Variants in FARP1 observed in about 807,000 individuals in gnomAD.
FARP1 encodes FERM, ARH/RhoGEF and pleckstrin domain protein 1.
A neutral mutation model predicts 128.8 loss-of-function variants in FARP1; 52 were observed. The observed-to-expected ratio is 0.40, with a 90% CI of 0.32 to 0.51. The LOEUF (loss-of-function observed/expected upper bound fraction) is 0.51, where lower values mean the gene tolerates loss of function less well. FARP1 is among the 20% of genes least tolerant of loss of function. The pLI, the probability that FARP1 is intolerant of heterozygous loss-of-function variation, is 0.45. For synonymous variants in FARP1, 580 were observed against 551.8 expected (o/e 1.05, Z -0.72); for missense variants, 1,333 against 1,367.9 (o/e 0.97, Z 0.40).
intron 2 of FARP1, among the ~76,000 whole-genome samples, chr13:98,304,938 C>T (rs1425278295): frequency 2.0e-5 from 3 of 152,026 alleles, no homozygotes; most frequent in African/African-American, 4.8e-5. Flanking sequence ...ATTCTGCTTC[C>T]GAATCTTTCA....
At chr13:98,253,897 G>A (rs776152184) in intron 2 of FARP1, among the ~76,000 whole-genome samples, 1 of 152,198 alleles carries the variant, frequency 6.6e-6, no homozygotes, top group African/African-American at 2.4e-5. Flanking sequence ...GTTTGTGTGT[G>A]TATGACAGTT....
chr13:98,410,098 C>T (rs1891133901), intron 14 of FARP1, among the ~76,000 whole-genome samples: 1 of 152,222 alleles, frequency 6.6e-6, no homozygotes, highest in African/African-American at 2.4e-5. Flanking sequence ...GTTGTGTGTA[C>T]ACCCAGCAGT....
At chr13:98,396,702 G>A (rs1594487412) in intron 13 of FARP1, 2 of 387,672 alleles carry the variant, frequency 5.2e-6, no homozygotes, top group East Asian at 7.3e-5. Context: ...TCCAGAAAAG[G>A]TGGGCAAGAT....
chr13:98,167,356 TAGC>T (rs1745541026), intron 1 of FARP1, among the ~76,000 whole-genome samples: 1 of 152,002 alleles, frequency 6.6e-6, no homozygotes, highest in South Asian at 2.1e-4. Context: ...TTATGGCATG[TAGC>T]ATTTAGGTCA....
intron 2 of FARP1, among the ~76,000 whole-genome samples, chr13:98,253,278 C>T (rs1883433035): frequency 6.6e-6 from 1 of 152,372 alleles, no homozygotes; most frequent in South Asian, 2.1e-4. Context: ...TCTTAACCCA[C>T]TGCTGGGGCT....
chr13:98,283,930 G>A lies in FARP1; in HGVS notation c.172-59832G>A, dbSNP rs531629191. Among the ~76,000 whole-genome samples, 3 of 152,332 alleles carry A rather than the reference G, an allele frequency of 2.0e-5. No homozygotes were observed. In the East Asian group the frequency reaches 5.8e-4, roughly 29 times the overall value. On this transcript the variant is annotated intron_variant, in intron 2 of 26. Coordinates refer to ENST00000319562, the MANE Select transcript of FARP1 (RefSeq NM_005766.4). ...AGGTTGTGTCCTTTAAATCTATGCT[G>A]TGCAGTGTGGAAGGGCTCCAGCAAC... is the stretch of plus-strand genomic sequence containing the variant.
chr13:98,424,668 T>C lies in FARP1; in HGVS notation c.1905+18T>C. Reference sequence around the variant, plus strand: ...GCATGAAGGTGAGCTGGTTGAGATTTGGGTGGAGCAAGGTTCACCAAGGAG... The same window carrying C: ...GCATGAAGGTGAGCTGGTTGAGATTCGGGTGGAGCAAGGTTCACCAAGGAG... On this transcript the variant is annotated intron_variant, in intron 17 of 26. Transcript: ENST00000319562. The C allele has an allele frequency of 6.3e-7, 1 of 1,579,178 alleles. No homozygotes were observed. Among genetic ancestry groups the C allele is most frequent in the South Asian group, 1.1e-5 (1 of 90,426 alleles).
intron 1 of FARP1, chr13:98,177,355 GCTT>G (rs1195934273): frequency 5.0e-6 from 4 of 796,274 alleles, no homozygotes; most frequent in South Asian, 4.5e-5. Context: ...TGAAAGAAAA[GCTT>G]CTGCTAGGCC....
Position 98,395,296 on chromosome 13 carries a change from G to C in FARP1, c.1234G>C (p.Gly412Arg), listed in dbSNP as rs1890479504. The C allele has an allele frequency of 6.2e-7, 1 of 1,609,610 alleles. No homozygotes were observed. Among genetic ancestry groups the C allele is most frequent in the Admixed American group, 1.7e-5 (1 of 59,890 alleles). Residue 412 changes from glycine to arginine, a missense_variant, in exon 13 of 27, where the codon GGA becomes CGA. By Grantham distance (125) the Gly-to-Arg change is moderately radical. Around this residue, in one of 2 missense-constraint regions of FARP1, gnomAD observed 1,009 missense variants for 969.8 expected, o/e 1.04. Coordinates refer to ENST00000319562, the MANE Select transcript of FARP1 (RefSeq NM_005766.4). ...TCCAGGGGGCCAGAGCTGCCGGCGA[G>C]GAAAGGAACCGAAGGTTTCCGCCGG... ...ESPGGQSCRRGKEPKVSAGEP... is the reference protein window; with the variant it reads ...ESPGGQSCRRRKEPKVSAGEP...
intron 2 of FARP1, among the ~76,000 whole-genome samples, chr13:98,278,496 A>G (rs911049829): frequency 6.6e-6 from 1 of 152,148 alleles, no homozygotes; most frequent in Non-Finnish European, 1.5e-5. Context: ...AACTCACCAG[A>G]TGACCCTAAT....
intron 8 of FARP1, 119 bp downstream of exon 8, chr13:98,385,933 A>G: frequency 9.5e-7 from 1 of 1,054,248 alleles, no homozygotes; most frequent in Non-Finnish European, 1.4e-6. Flanking sequence ...TCGGCGAACA[A>G]AGAAAAATTA....
chr13:98,321,003 C>T (rs1886969847), intron 2 of FARP1, among the ~76,000 whole-genome samples: 1 of 152,168 alleles, frequency 6.6e-6, no homozygotes. Context: ...ATGTCTGTGA[C>T]TCACGAACTG....
At chr13:98,293,671 G>T (rs1309785814) in intron 2 of FARP1, among the ~76,000 whole-genome samples, 2 of 152,160 alleles carry the variant, frequency 1.3e-5, no homozygotes, top group Non-Finnish European at 2.9e-5. Flanking sequence ...AATGTGTGTG[G>T]AAGTAAAGCC....
rs1893188601 is a variant in FARP1 at position 98,451,457 on chromosome 13, C to T, written c.*3140C>T. The T allele has an allele frequency of 6.6e-6, 1 of 152,144 alleles. No individual in the cohort carries two copies. Among genetic ancestry groups the T allele is most frequent in the South Asian group, 2.1e-4 (1 of 4,830 alleles). 9.4% of individuals were successfully genotyped at this position (152,144 alleles called of 1,614,324 possible). A position where few individuals can be genotyped will look rare whatever the true frequency, so the allele number is the denominator to read the frequency against. ...CCCCAACCAAAATATATCCCTTATA[C>T]AAATTAAGAGTTCAACCCAAATCCA... On this transcript the variant is annotated 3_prime_UTR_variant, in exon 27 of 27. Transcript: ENST00000319562.
At chr13:98,236,652 A>G (rs1224416992) in intron 2 of FARP1, among the ~76,000 whole-genome samples, 1 of 152,198 alleles carries the variant, frequency 6.6e-6, no homozygotes, top group African/African-American at 2.4e-5. Flanking sequence ...TTGGTAGTCT[A>G]TTTTATCATT....
At chr13:98,373,205 G>A (rs2139994482) in intron 5 of FARP1, among the ~76,000 whole-genome samples, 1 of 152,218 alleles carries the variant, frequency 6.6e-6, no homozygotes, top group South Asian at 2.1e-4. Context: ...TGTCACCAAA[G>A]GTCCCCAGAG....
intron 13 of FARP1, among the ~76,000 whole-genome samples, chr13:98,408,865 G>C (rs1403245222): frequency 1.3e-5 from 2 of 152,182 alleles, no homozygotes; most frequent in Non-Finnish European, 2.9e-5. Context: ...TTAGTTGCTT[G>C]ACCTTTCTGT....
rs766743570 is a variant in FARP1, at chr13:98,424,580, G to A, written c.1835G>A (p.Arg612His). The change falls in exon 17 of 27, where the codon CGC becomes CAC. Residue 612 changes from arginine to histidine, a missense_variant. This residue lies in a region of FARP1 where 1,009 missense variants were observed against 969.8 expected (regional missense o/e 1.04). Coordinates refer to ENST00000319562, the MANE Select transcript of FARP1 (RefSeq NM_005766.4). ...TTTGCTTTTGCTCTCAGGGAAGGCC[G>A]CTCAAATGCCCAAATCAGAGATTAC... ...IEQRLALWEGRSNAQIRDYQR... is the reference protein window; with the variant it reads ...IEQRLALWEGHSNAQIRDYQR... 5.6e-6 allele frequency: 9 copies of A among 1,611,786 alleles called. No homozygotes were observed. The highest frequency in any genetic ancestry group is 2.2e-5 in the East Asian group (1 of 44,858).
intron 2 of FARP1, among the ~76,000 whole-genome samples, chr13:98,282,781 G>A (rs1276440924): frequency 6.6e-6 from 1 of 152,084 alleles, no homozygotes; most frequent in Non-Finnish European, 1.5e-5. Context: ...CGTGCCTGTA[G>A]TCCCAGCTAC....
Sources: allele counts gnomAD v4.1 joint callset (sites outside exome capture counted in the v4.1 genomes callset), GRCh38; gene constraint gnomAD v4.1.1; regional missense constraint gnomAD v4.1.1; transcripts MANE v1.5; gene names NCBI Gene and HGNC (gene_info 2026-07-23, HGNC 2026-07-21).